The following ANK2 variants were observed in gnomAD, a reference collection of about 807,000 sequenced individuals.
ANK2 encodes the protein ankyrin 2, also known as ankyrin-2.
ANK2 carries 83 observed loss-of-function variants against 360.5 expected under a neutral mutation model. The observed-to-expected ratio is 0.23, with a 90% CI of 0.19 to 0.28. The LOEUF (loss-of-function observed/expected upper bound fraction) is 0.28, where lower values mean the gene tolerates loss of function less well. Ranked by LOEUF, ANK2 falls within the 10% of genes least tolerant of loss-of-function variation. The probability of loss-of-function intolerance (pLI) is 1.00; values close to 1 mark genes in which losing one functional copy is unlikely to be tolerated. For synonymous variants in ANK2, 1,740 were observed against 1,759.5 expected (o/e 0.99, Z 0.28); for missense variants, 4,201 against 4,795.7 (o/e 0.88, Z 3.66).
At position 113,341,945 on chromosome 4, in the gene ANK2, T is replaced by G. The variant is rs62313243; in HGVS notation, c.4122+29T>G. On this transcript the variant is annotated intron_variant, in intron 33 of 45. Coordinates refer to ENST00000357077, the MANE Select transcript of ANK2 (RefSeq NM_001148.6). ...CTGTACCAAAAATAATAATAATAAT[T>G]TATGCCATGTTGTTATACCTGCATT... The G allele has an allele frequency of 0.12, 174,428 of 1,499,558 alleles. 11,086 individuals carry two copies. The highest frequency in any genetic ancestry group is 0.14 in the Non-Finnish European group (146,613 of 1,083,254). 92.9% of individuals were successfully genotyped at this position (1,499,558 alleles called of 1,614,324 possible). A position where few individuals can be genotyped will look rare whatever the true frequency, so the allele number is the denominator to read the frequency against.
At chr4:112,816,482 TTAGA>T (rs933067005), upstream of ANK2, among the ~76,000 whole-genome samples, 10 of 152,114 alleles carry the variant, frequency 6.6e-5, no homozygotes, top group Non-Finnish European at 1.2e-4. Context: ...TTTATAATTA[TTAGA>T]TTGAATTATT....
rs2095620015 is a variant in ANK2, at chr4:113,354,498, C to T, written c.5880C>T (p.His1960=). The change falls in exon 38 of 46, where the codon CAC becomes CAT. Residue 1960 remains histidine (H), a synonymous_variant. Coordinates refer to ENST00000357077, the MANE Select transcript of ANK2 (RefSeq NM_001148.6). ...PVSTAGKTEK[H]LPVSPSGKTE... is the part of the protein sequence containing the mutation. ...CAACAGCTGGGAAAACTGAGAAGCA[C>T]CTGCCTGTGTCACCTTCTGGCAAAA... The T allele has an allele frequency of 2.5e-6, 4 of 1,614,126 alleles. No individual in the cohort carries two copies. The African/African-American group carries it at 5.3e-5, about 22-fold the overall frequency.
intron 2 of ANK2, among the ~76,000 whole-genome samples, chr4:112,977,560 TTTTTA>T (rs1461386912): frequency 4.0e-5 from 6 of 151,682 alleles, no homozygotes; most frequent in Non-Finnish European, 5.9e-5. Context: ...ATTTTATTTA[TTTTTA>T]TTTTATTTTT....
the ANK2 span, among the ~76,000 whole-genome samples, chr4:112,727,987 C>T: frequency 7.0e-6 from 1 of 143,256 alleles, no homozygotes; most frequent in Non-Finnish European, 1.5e-5. Context: ...CAAAAGAAAA[C>T]AAAAAGAAAA....
At chr4:112,907,009 T>C (rs1272255275) in intron 2 of ANK2, among the ~76,000 whole-genome samples, 1 of 152,220 alleles carries the variant, frequency 6.6e-6, no homozygotes, top group Non-Finnish European at 1.5e-5. Flanking sequence ...AATAAGAGCA[T>C]TTTCATGGCA....
chr4:112,917,410 C>T (rs939826669), intron 2 of ANK2, among the ~76,000 whole-genome samples: 4 of 152,174 alleles, frequency 2.6e-5, no homozygotes, highest in Non-Finnish European at 5.9e-5. Context: ...TTATCCTCCA[C>T]CACCAACACT....
At chr4:112,912,093 T>C (rs1053967363) in intron 2 of ANK2, among the ~76,000 whole-genome samples, 2 of 150,860 alleles carry the variant, frequency 1.3e-5, no homozygotes, top group African/African-American at 4.9e-5. Flanking sequence ...AGGAGAATGG[T>C]GTGGACCCCG....
chr4:113,356,117 C>T lies in ANK2; in HGVS notation c.7499C>T (p.Thr2500Met), dbSNP rs200377748. 57 of 1,614,064 alleles carry T rather than the reference C, an allele frequency of 3.5e-5. No homozygotes were observed. Among genetic ancestry groups the T allele is most frequent in the African/African-American group, 1.1e-4 (8 of 75,016 alleles). The change falls in exon 38 of 46, where the codon ACG (threonine) becomes ATG (methionine). Residue 2500 changes from threonine (T) to methionine (M), a missense_variant. Transcript: ENST00000357077. Reference sequence around the variant, plus strand: ...GCTGTTGCCAAAACAGAACTCTTGACGGAAGTGGCCTCTGTGCGGTCCCGG... The same window carrying T: ...GCTGTTGCCAAAACAGAACTCTTGATGGAAGTGGCCTCTGTGCGGTCCCGG... Reference protein sequence around the residue: ...PAAVAKTELLTEVASVRSRLL... With the variant: ...PAAVAKTELLMEVASVRSRLL...
At position 113,145,789 on chromosome 4, in the gene ANK2, A is replaced by G. The variant is rs573772586; in HGVS notation, c.85-28627A>G. ...AGGATCATCTTGATGAATTGCCCAC[A>G]TTAGTGTACCCCTGGGAGCCCTGGA... is the stretch of plus-strand genomic sequence containing the variant. On this transcript the variant is annotated intron_variant, in intron 1 of 45. Transcript: ENST00000357077. 2.0e-4 allele frequency: 256 copies of G among 1,252,746 alleles called. 2 individuals carry two copies. The South Asian group carries it at 3.1e-3, about 15-fold the overall frequency. The allele number at this position is 1,252,746 out of a possible 1,614,324, so 77.6% of individuals were successfully genotyped here. A position where few individuals can be genotyped will look rare whatever the true frequency, so the allele number is the denominator to read the frequency against.
Position 113,356,972 on chromosome 4 carries a change from C to T in ANK2, c.8354C>T (p.Ser2785Leu), listed in dbSNP as rs145895389. The T allele has an allele frequency of 2.3e-3, 3,664 of 1,613,964 alleles. 8 individuals are homozygous for T. Among genetic ancestry groups the T allele is most frequent in the Non-Finnish European group, 2.8e-3 (3,325 of 1,179,872 alleles). The change falls in exon 38 of 46, where the codon TCA becomes TTA. Residue 2785 changes from serine (S) to leucine (L), a missense_variant. Ser to Leu is a moderately radical substitution (Grantham distance 145). Transcript: ENST00000357077. ...TGTGAGGCCATGAGTCCTAGCAGCT[C>T]AGCTGCTCCTGTCTCTTCAGGTCTA... Reference protein sequence around the residue: ...HGCEAMSPSSSAAPVSSGLQS... With the variant: ...HGCEAMSPSSLAAPVSSGLQS...
intron 2 of ANK2, among the ~76,000 whole-genome samples, chr4:112,950,886 T>C (rs975687752): frequency 6.6e-6 from 1 of 150,644 alleles, no homozygotes; most frequent in Non-Finnish European, 1.5e-5. Context: ...ATCGAGACCA[T>C]CCCGGCTAAA....
At chr4:113,248,441 C>T (rs1228718174) in intron 9 of ANK2, among the ~76,000 whole-genome samples, 3 of 152,030 alleles carry the variant, frequency 2.0e-5, no homozygotes, top group Non-Finnish European at 4.4e-5. Flanking sequence ...GACACACAGC[C>T]GGATTTGGGA....
At chr4:112,825,690 A>G (rs2058274282) in intron 1 of ANK2, among the ~76,000 whole-genome samples, 1 of 152,218 alleles carries the variant, frequency 6.6e-6, no homozygotes, top group African/African-American at 2.4e-5. Context: ...CTTAATTAAT[A>G]TATTTACATG....
chr4:113,151,249 C>T (rs2097069444), intron 1 of ANK2: 3 of 741,408 alleles, frequency 4.0e-6, no homozygotes, highest in South Asian at 1.9e-5. Flanking sequence ...TACTTGTTGT[C>T]GTAGTTCATT....
At chr4:112,941,512 AT>A (rs1470849451) in intron 2 of ANK2, among the ~76,000 whole-genome samples, 3 of 138,272 alleles carry the variant, frequency 2.2e-5, no homozygotes, top group African/African-American at 8.2e-5. Flanking sequence ...TATACTAAAT[AT>A]ATAGAAGCTA....
intron 1 of ANK2, among the ~76,000 whole-genome samples, chr4:113,156,055 AC>A (rs1423316543): frequency 1.3e-5 from 2 of 152,206 alleles, no homozygotes; most frequent in African/African-American, 4.8e-5. Flanking sequence ...CTGTTAATTC[AC>A]TTTTAGGAAT....
rs757135669 is a variant in ANK2, at chr4:113,278,486, T to G, written c.1809T>G (p.Ala603=). ...GKNGLTPLHV[A]AHYDNQKVAL... ...ACGGCCTTACCCCGCTCCATGTTGC[T>G]GCTCATTATGACAACCAGAAGGTGG... Residue 603 remains alanine, a synonymous_variant, in exon 17 of 46, where the codon GCT becomes GCG. Coordinates refer to ENST00000357077, the MANE Select transcript of ANK2 (RefSeq NM_001148.6). 6.2e-7 allele frequency: 1 copy of G among 1,614,040 alleles called. No individual in the cohort carries two copies. The highest frequency in any genetic ancestry group is 2.2e-5 in the East Asian group (1 of 44,854).
Position 113,355,027 on chromosome 4 carries a change from T to TCCA in ANK2, c.6410_6411insCAC (p.Ser2137_Glu2138insThr), listed in dbSNP as rs1246692263. On this transcript the variant is annotated inframe_insertion, in exon 38 of 46. Transcript: ENST00000357077. ...AGATAGGAAAACCTCCACTGACTTCTCTGAGGTCATTAAGCAAGAGTTGGA... is the reference window on the plus strand; with the variant it reads ...AGATAGGAAAACCTCCACTGACTTCTCCACTGAGGTCATTAAGCAAGAGTTGGA... The TCCA allele has an allele frequency of 6.2e-7, 1 of 1,614,020 alleles. No individual in the cohort carries two copies.
intron 1 of ANK2, among the ~76,000 whole-genome samples, chr4:113,072,802 G>C (rs542236726): frequency 6.1e-4 from 54 of 88,128 alleles, no homozygotes; most frequent in Middle Eastern, 0.02. Context: ...TAATCTTTAT[G>C]TGTTTAGATT....
Sources: allele counts gnomAD v4.1 joint callset (sites outside exome capture counted in the v4.1 genomes callset), GRCh38; gene constraint gnomAD v4.1.1; transcripts MANE v1.5; gene names NCBI Gene and HGNC (gene_info 2026-07-23, HGNC 2026-07-21).